Variants in PRKG1 observed in about 807,000 individuals in gnomAD.
The protein encoded by PRKG1 is cGMP-dependent protein kinase 1.
A neutral mutation model predicts 88.1 loss-of-function variants in PRKG1; 35 were observed. The observed-to-expected ratio is 0.40, with a 90% CI of 0.30 to 0.53. The LOEUF is 0.53. PRKG1 is among the 20% of genes least tolerant of loss of function. The pLI is 0.59. For synonymous variants in PRKG1, 303 were observed against 292.5 expected (o/e 1.04, Z -0.37); for missense variants, 540 against 839.8 (o/e 0.64, Z 4.41).
At chr10:51,129,119 A>G (rs1040785448) in intron 1 of PRKG1, among the ~76,000 whole-genome samples, 2 of 152,196 alleles carry the variant, frequency 1.3e-5, no homozygotes, top group East Asian at 1.9e-4. Flanking sequence ...ATGCTTTTAT[A>G]TGCGTCATCT....
chr10:51,606,072 A>G (rs956822808), intron 3 of PRKG1, among the ~76,000 whole-genome samples: 3 of 152,140 alleles, frequency 2.0e-5, no homozygotes, highest in Non-Finnish European at 4.4e-5. Context: ...ATTATTGATG[A>G]CATTGTTGGT....
chr10:51,963,387 A>G (rs2133075526), intron 5 of PRKG1, among the ~76,000 whole-genome samples: 1 of 152,282 alleles, frequency 6.6e-6, no homozygotes, highest in East Asian at 1.9e-4. Flanking sequence ...GTGTTTTTAT[A>G]TTACTGTGAA....
chr10:51,763,670 CT>C (rs1250413683), intron 3 of PRKG1, among the ~76,000 whole-genome samples: 5 of 151,208 alleles, frequency 3.3e-5, no homozygotes, highest in African/African-American at 1.2e-4. Context: ...AAAGTACCAC[CT>C]GGATAATGCT....
chr10:51,076,192 A>G (rs1287702324), intron 1 of PRKG1, among the ~76,000 whole-genome samples: 1 of 152,216 alleles, frequency 6.6e-6, no homozygotes, highest in Non-Finnish European at 1.5e-5. Flanking sequence ...TTCCCATGGA[A>G]CATTTGCTGT....
At chr10:51,388,390 CTT>C (rs972547387) in intron 2 of PRKG1, among the ~76,000 whole-genome samples, 2 of 152,116 alleles carry the variant, frequency 1.3e-5, no homozygotes, top group Non-Finnish European at 2.9e-5. Context: ...GTCCAGGACT[CTT>C]TTATTACACC....
chr10:51,374,503 G>A (rs1310949059), intron 2 of PRKG1, among the ~76,000 whole-genome samples: 7 of 152,102 alleles, frequency 4.6e-5, no homozygotes, highest in African/African-American at 1.7e-4. Flanking sequence ...AGGTGTTTAG[G>A]TCTTGAGGAC....
At chr10:52,282,077 T>C (rs1188017545) in intron 13 of PRKG1, 76 bp from the exon 14 acceptor site, 2 of 1,318,990 alleles carry the variant, frequency 1.5e-6, no homozygotes, top group Non-Finnish European at 2.1e-6. Flanking sequence ...TCATCATCAG[T>C]GTGCTTCAAA....
chr10:51,787,396 A>T (rs900980341), intron 3 of PRKG1, among the ~76,000 whole-genome samples: 1 of 152,124 alleles, frequency 6.6e-6, no homozygotes, highest in Non-Finnish European at 1.5e-5. Flanking sequence ...ACCAGATTCA[A>T]TCTAGTCTAA....
At chr10:51,722,587 A>T (rs1842039897) in intron 3 of PRKG1, among the ~76,000 whole-genome samples, 1 of 152,170 alleles carries the variant, frequency 6.6e-6, no homozygotes, top group Non-Finnish European at 1.5e-5. Context: ...TTTATGTATT[A>T]CACCAACATT....
At chr10:52,264,353 C>A (rs1238138995) in intron 10 of PRKG1, among the ~76,000 whole-genome samples, 2 of 152,056 alleles carry the variant, frequency 1.3e-5, no homozygotes, top group African/African-American at 4.8e-5. Flanking sequence ...ATAAGATACT[C>A]ACAGTCTCTC....
intron 3 of PRKG1, among the ~76,000 whole-genome samples, chr10:51,765,574 C>T (rs1467153448): frequency 6.6e-6 from 1 of 152,188 alleles, no homozygotes; most frequent in Non-Finnish European, 1.5e-5. Flanking sequence ...GGCACTGAGC[C>T]TGGTACACAG....
intron 5 of PRKG1, among the ~76,000 whole-genome samples, chr10:51,952,719 A>G (rs936911293): frequency 5.3e-5 from 8 of 152,186 alleles, no homozygotes; most frequent in Non-Finnish European, 8.8e-5. Context: ...GAGGACATGA[A>G]TATGAGTTCC....
At chr10:51,563,203 C>T (rs1229074399) in intron 3 of PRKG1, among the ~76,000 whole-genome samples, 7 of 152,078 alleles carry the variant, frequency 4.6e-5, no homozygotes, top group Admixed American at 4.6e-4. Context: ...TACAAAATTA[C>T]AGCTAGATAG....
At chr10:52,080,057 C>T (rs1325508394) in intron 7 of PRKG1, among the ~76,000 whole-genome samples, 1 of 152,116 alleles carries the variant, frequency 6.6e-6, no homozygotes, top group Non-Finnish European at 1.5e-5. Context: ...ACTTCAAGTC[C>T]TACGACACAG....
At chr10:52,120,260 C>T (rs1322427324) in intron 7 of PRKG1, among the ~76,000 whole-genome samples, 3 of 152,182 alleles carry the variant, frequency 2.0e-5, no homozygotes, top group African/African-American at 7.2e-5. Flanking sequence ...GCTGCCAACA[C>T]ATGAACTTTG....
At chr10:51,033,430 G>A (rs1843312950) in intron 1 of PRKG1, among the ~76,000 whole-genome samples, 2 of 152,170 alleles carry the variant, frequency 1.3e-5, no homozygotes. Context: ...AAGTGATGGA[G>A]CCACAATTTG....
At position 51,982,722 on chromosome 10, in the gene PRKG1, A is replaced by G. The variant is rs574685421; in HGVS notation, c.763-71762A>G. 3.9e-5 allele frequency among the ~76,000 whole-genome samples: 6 copies of G among 152,132 alleles called. No individual in the cohort carries two copies. In the South Asian group the frequency reaches 1.2e-3, roughly 32 times the overall value. The stretch of plus-strand genomic sequence containing the variant: ...GTGCTCCTGGACCACTGTTCACTAT[A>G]CTCCAATGGGTAGTGTCAGCAAAAG... On this transcript the variant is annotated intron_variant, in intron 5 of 17. Coordinates refer to ENST00000373980, the MANE Select transcript of PRKG1 (RefSeq NM_006258.4).
At chr10:51,066,970 A>C (rs774610113) in intron 1 of PRKG1, among the ~76,000 whole-genome samples, 13 of 151,998 alleles carry the variant, frequency 8.6e-5, no homozygotes, top group African/African-American at 1.5e-4. Context: ...TTGCCTGCTT[A>C]AGATCCATGA....
In PRKG1 at chr10:51,876,301, T is replaced by A. The variant is rs185963452; in HGVS notation, c.699-31206T>A. Reference sequence around the variant, plus strand: ...TCTCAAAGGGAAGCATTTTAAATAGTGGAAAGGGGGAAGTAGAGGAAATAT... The same window carrying A: ...TCTCAAAGGGAAGCATTTTAAATAGAGGAAAGGGGGAAGTAGAGGAAATAT... On this transcript the variant is annotated intron_variant, in intron 4 of 17. Coordinates refer to ENST00000373980, the MANE Select transcript of PRKG1 (RefSeq NM_006258.4). Among the ~76,000 whole-genome samples, 990 of 152,250 alleles carry A rather than the reference T, an allele frequency of 6.5e-3. 13 individuals are homozygous for A. The highest frequency in any genetic ancestry group is 0.023 in the African/African-American group (951 of 41,552).
Sources: allele counts gnomAD v4.1 joint callset (sites outside exome capture counted in the v4.1 genomes callset), GRCh38; gene constraint gnomAD v4.1.1; transcripts MANE v1.5; gene names NCBI Gene and HGNC (gene_info 2026-07-23, HGNC 2026-07-21).